Variants in CCBE1 observed in about 807,000 individuals in gnomAD.
The protein encoded by CCBE1 is collagen and calcium-binding EGF domain-containing protein 1.
In CCBE1, 37 loss-of-function variants were observed where a neutral mutation model predicts 50.0. That is an observed-to-expected ratio of 0.74 (90% CI 0.57 to 0.97). The LOEUF is 0.97. CCBE1 is among the 50% of genes least tolerant of loss of function. The pLI is 0.00. For synonymous variants in CCBE1, 234 were observed against 203.7 expected (o/e 1.15, Z -1.27); for missense variants, 538 against 523.8 (o/e 1.03, Z -0.26).
At chr18:59,614,358 C>CA (rs1341331403) in intron 2 of CCBE1, among the ~76,000 whole-genome samples, 4 of 152,158 alleles carry the variant, frequency 2.6e-5, no homozygotes, top group African/African-American at 9.7e-5. Context: ...CAGATGTACC[C>CA]AGAAAGGTCT....
chr18:59,494,274 C>G (rs1213936444), intron 2 of CCBE1, among the ~76,000 whole-genome samples: 1 of 152,186 alleles, frequency 6.6e-6, no homozygotes, highest in East Asian at 1.9e-4. Flanking sequence ...CAGCCCTGCC[C>G]CTCCAGGGTG....
At chr18:59,607,161 C>T (rs977402321) in intron 2 of CCBE1, among the ~76,000 whole-genome samples, 4 of 151,892 alleles carry the variant, frequency 2.6e-5, no homozygotes, top group Admixed American at 6.6e-5. Flanking sequence ...AGCCAAAAGT[C>T]CTGTCCAGTA....
chr18:59,695,652 C>G (rs921016031), intron 2 of CCBE1, among the ~76,000 whole-genome samples: 4 of 152,194 alleles, frequency 2.6e-5, no homozygotes, highest in African/African-American at 9.7e-5. Context: ...ATGATTGATT[C>G]ACAGGCTACA....
chr18:59,570,428 GT>G (rs2052893339), intron 2 of CCBE1, among the ~76,000 whole-genome samples: 1 of 152,204 alleles, frequency 6.6e-6, no homozygotes, highest in Non-Finnish European at 1.5e-5. Flanking sequence ...TCAGCCACCA[GT>G]TTTTGATGAG....
chr18:59,643,191 G>A (rs537965736), intron 2 of CCBE1, among the ~76,000 whole-genome samples: 2 of 151,968 alleles, frequency 1.3e-5, no homozygotes, highest in Admixed American at 6.6e-5. Flanking sequence ...CCAATTGCAC[G>A]TTTCATGTTA....
At chr18:59,591,232 C>G (rs1347002056) in intron 2 of CCBE1, among the ~76,000 whole-genome samples, 1 of 20,396 alleles carries the variant, frequency 4.9e-5, no homozygotes, top group Non-Finnish European at 6.6e-5. Context: ...GGCCACAGAG[C>G]GAGACTCCGT....
intron 2 of CCBE1, among the ~76,000 whole-genome samples, chr18:59,686,771 C>T (rs1209131908): frequency 6.6e-6 from 1 of 152,210 alleles, no homozygotes. Context: ...ATCTCCCTCC[C>T]TATGTCCACC....
rs1555683263 is a variant in CCBE1 at position 59,491,827 on chromosome 18, C to CAAACAAACAAACAAACAAAT, written c.213-11590_213-11589insATTTGTTTGTTTGTTTGTTT. ...GAGACTCTGTCTCCAAACAAACAAA[C>CAAACAAACAAACAAACAAAT]AAACAAACAAAAAAAAACGTTTCAT... On this transcript the variant is annotated intron_variant, in intron 2 of 10. Transcript: ENST00000439986. Among the ~76,000 whole-genome samples the CAAACAAACAAACAAACAAAT allele has an allele frequency of 1.3e-3, 172 of 133,450 alleles. 2 individuals carry two copies. The highest frequency in any genetic ancestry group is 3.3e-3 in the African/African-American group (124 of 37,992). 87.5% of individuals were successfully genotyped at this position (133,450 alleles called of 152,430 possible). A position where few individuals can be genotyped will look rare whatever the true frequency, so the allele number is the denominator to read the frequency against.
At chr18:59,485,673 T>C (rs1359262760) in intron 2 of CCBE1, among the ~76,000 whole-genome samples, 1 of 151,846 alleles carries the variant, frequency 6.6e-6, no homozygotes, top group Non-Finnish European at 1.5e-5. Flanking sequence ...TGCAGTGGCA[T>C]GATCTCGGCT....
intron 2 of CCBE1, among the ~76,000 whole-genome samples, chr18:59,691,893 G>A (rs1206474239): frequency 2.0e-5 from 3 of 152,292 alleles, no homozygotes; most frequent in East Asian, 1.9e-4. Context: ...CCTTCTGCCA[G>A]TAAGACCCTT....
Position 59,597,000 on chromosome 18 carries a change from AAAG to A in CCBE1, c.212+99626_212+99628del, listed in dbSNP as rs2053361314. 2.6e-5 allele frequency among the ~76,000 whole-genome samples: 4 copies of A among 152,388 alleles called. No individual in the cohort carries two copies. The South Asian group carries it at 6.2e-4, about 24-fold the overall frequency. On this transcript the variant is annotated intron_variant, in intron 2 of 10. Transcript: ENST00000439986. ...CTGAAGATACAGCAAGCAAAGAATC[AAAG>A]AAGAAAAGCAGTATACTTTATTCAA...
At chr18:59,641,852 G>C (rs947603250) in intron 2 of CCBE1, among the ~76,000 whole-genome samples, 2 of 152,178 alleles carry the variant, frequency 1.3e-5, no homozygotes, top group Non-Finnish European at 2.9e-5. Context: ...GTGGAGGACA[G>C]AAAGCATTAA....
chr18:59,515,203 C>T (rs1914317430), intron 2 of CCBE1, among the ~76,000 whole-genome samples: 1 of 152,200 alleles, frequency 6.6e-6, no homozygotes, highest in Admixed American at 6.5e-5. Flanking sequence ...GTTCTTTGCG[C>T]TGAGCCACAC....
intron 2 of CCBE1, among the ~76,000 whole-genome samples, chr18:59,509,795 A>G (rs2144291940): frequency 6.8e-6 from 1 of 147,918 alleles, no homozygotes; most frequent in South Asian, 2.2e-4. Context: ...AAGTATTTTT[A>G]GATCGGGCTG....
intron 2 of CCBE1, among the ~76,000 whole-genome samples, chr18:59,677,742 C>T (rs1490957860): frequency 1.3e-5 from 2 of 151,708 alleles, no homozygotes; most frequent in Non-Finnish European, 2.9e-5. Context: ...AGGTGAGAAA[C>T]CAACTGGATT....
rs958495403 is a variant in CCBE1, at chr18:59,695,122, C to T, written c.212+1507G>A. Among the ~76,000 whole-genome samples the T allele has an allele frequency of 5.9e-5, 9 of 152,332 alleles. No homozygotes were observed. In the East Asian group the frequency reaches 1.7e-3, roughly 29 times the overall value. ...AATCTAACATGCATTCTGTAACTGTCACTGATTTATGTGAAGTCCGACCTT... is the reference window on the plus strand; with the variant it reads ...AATCTAACATGCATTCTGTAACTGTTACTGATTTATGTGAAGTCCGACCTT... On this transcript the variant is annotated intron_variant, in intron 2 of 10. Coordinates refer to ENST00000439986, the MANE Select transcript of CCBE1 (RefSeq NM_133459.4).
intron 5 of CCBE1, chr18:59,455,284 C>G: frequency 2.5e-6 from 1 of 407,866 alleles, no homozygotes; most frequent in Non-Finnish European, 4.7e-6. Context: ...CTCTATAAAT[C>G]TGACATGATT....
At chr18:59,612,011 C>T (rs1322325164) in intron 2 of CCBE1, among the ~76,000 whole-genome samples, 1 of 152,098 alleles carries the variant, frequency 6.6e-6, no homozygotes, top group Non-Finnish European at 1.5e-5. Context: ...ATGACTATAC[C>T]CCTAAGCCAG....
chr18:59,543,503 C>T (rs1915549502), intron 2 of CCBE1, among the ~76,000 whole-genome samples: 1 of 152,106 alleles, frequency 6.6e-6, no homozygotes, highest in Non-Finnish European at 1.5e-5. Flanking sequence ...AAGTTGAAGA[C>T]AAGGATTGTA....
Sources: gnomAD v4.1 joint callset for allele counts (sites outside exome capture counted in the v4.1 genomes callset) on GRCh38, gnomAD v4.1.1 for gene constraint, MANE v1.5 for transcripts, NCBI Gene and HGNC (gene_info 2026-07-23, HGNC 2026-07-21) for gene names.